Variants in UBAP2 observed in about 807,000 individuals in gnomAD.
UBAP2 encodes the protein ubiquitin-associated protein 2.
UBAP2 carries 75 observed loss-of-function variants against 139.6 expected under a neutral mutation model. The observed-to-expected ratio is 0.54, with a 90% CI of 0.45 to 0.65. The LOEUF (loss-of-function observed/expected upper bound fraction) is 0.65, where lower values mean the gene tolerates loss of function less well. Ranked by LOEUF, UBAP2 falls within the 30% of genes least tolerant of loss-of-function variation. UBAP2 has a pLI of 0.00. For missense variants in UBAP2, 1,368 were observed against 1,369.6 expected (o/e 1.00, Z 0.02); for synonymous variants, 526 against 526.2 (o/e 1.00, Z 0.01).
At chr9:33,965,592 A>C (rs1197366811) in intron 8 of UBAP2, among the ~76,000 whole-genome samples, 4 of 152,196 alleles carry the variant, frequency 2.6e-5, no homozygotes, top group African/African-American at 9.7e-5. Flanking sequence ...TTTAAGTGTA[A>C]CCTTGGAGGG....
chr9:33,969,551 T>TAA (rs60255464), intron 8 of UBAP2, among the ~76,000 whole-genome samples: 15 of 140,688 alleles, frequency 1.1e-4, no homozygotes, highest in East Asian at 6.1e-4. Context: ...GCTCTCTCTT[T>TAA]AAAAAAAAAA....
chr9:33,971,050 G>A (rs1827882445), intron 8 of UBAP2, among the ~76,000 whole-genome samples: 1 of 152,132 alleles, frequency 6.6e-6, no homozygotes, highest in Non-Finnish European at 1.5e-5. Context: ...TGATCCATCT[G>A]CCTCGGCCTC....
intron 8 of UBAP2, among the ~76,000 whole-genome samples, chr9:33,967,884 A>T (rs192672106): frequency 6.6e-6 from 1 of 152,344 alleles, no homozygotes; most frequent in East Asian, 1.9e-4. Flanking sequence ...ATACTGTGAT[A>T]AACTTGTCTC....
chr9:34,024,906 C>T (rs2131308180), intron 1 of UBAP2, among the ~76,000 whole-genome samples: 1 of 152,130 alleles, frequency 6.6e-6, no homozygotes, highest in Middle Eastern at 3.4e-3. Flanking sequence ...ATCACTTGAA[C>T]CCGAGAGGCG....
At position 33,923,985 on chromosome 9, in the gene UBAP2, A is replaced by C. The variant is rs140260131; in HGVS notation, c.2606T>G (p.Phe869Cys). The change falls in exon 24 of 29, where the codon TTT (phenylalanine) becomes TGT (cysteine). Residue 869 changes from phenylalanine to cysteine, a missense_variant. Coordinates refer to ENST00000379238, the MANE Select transcript of UBAP2 (RefSeq NM_001370062.2). ...NNPYPGDVTK[F>C]GRGDSASPAP... ...AGGGGATGCAGAGTCCCCACGGCCA[A>C]ACTTTGTGACATCACCTAGGAAAGA... The C allele has an allele frequency of 1.3e-4, 214 of 1,613,740 alleles. No individual in the cohort carries two copies. The highest frequency in any genetic ancestry group is 1.4e-4 in the South Asian group (13 of 91,054).
At chr9:33,978,393 G>C (rs1252670212) in intron 6 of UBAP2, among the ~76,000 whole-genome samples, 2 of 152,110 alleles carry the variant, frequency 1.3e-5, no homozygotes, top group Non-Finnish European at 2.9e-5. Flanking sequence ...AAATTTTTAA[G>C]TAGAATGTTA....
At chr9:34,022,586 C>T (rs1000538467) in intron 1 of UBAP2, among the ~76,000 whole-genome samples, 9 of 151,830 alleles carry the variant, frequency 5.9e-5, no homozygotes, top group Non-Finnish European at 1.3e-4. Flanking sequence ...TAGGTATGTG[C>T]CACCGTGCCC....
intron 2 of UBAP2, among the ~76,000 whole-genome samples, chr9:34,005,092 G>A (rs573231236): frequency 2.6e-5 from 4 of 151,762 alleles, no homozygotes; most frequent in East Asian, 1.9e-4. Flanking sequence ...GTGAAACCCC[G>A]TCTACACTAA....
intron 16 of UBAP2, among the ~76,000 whole-genome samples, chr9:33,937,002 A>G (rs1824605003): frequency 5.3e-5 from 8 of 151,908 alleles, no homozygotes; most frequent in Admixed American, 5.3e-4. Context: ...TACAATTACA[A>G]AACTCCTTGC....
chr9:33,947,256 CCT>C (rs1405118697), intron 13 of UBAP2, among the ~76,000 whole-genome samples: 1 of 152,160 alleles, frequency 6.6e-6, no homozygotes, highest in Non-Finnish European at 1.5e-5. Context: ...AATATGCTTC[CCT>C]GTCTCTCTAT....
intron 6 of UBAP2, among the ~76,000 whole-genome samples, chr9:33,975,507 C>T (rs1240229915): frequency 2.7e-5 from 4 of 147,720 alleles, no homozygotes; most frequent in South Asian, 2.2e-4. Flanking sequence ...CTGGTAAAAA[C>T]GTAAAATGGG....
Position 33,927,940 on chromosome 9 carries a change from G to T in UBAP2, c.2228C>A (p.Thr743Lys), listed in dbSNP as rs556985244. 1.2e-6 allele frequency: 2 copies of T among 1,614,038 alleles called. No individual in the cohort carries two copies. Among genetic ancestry groups the T allele is most frequent in the African/African-American group, 1.3e-5 (1 of 74,932 alleles). ...SSHQSSATFS[T>K]AATSVSSSAS... is the part of the protein sequence containing the mutation. ...GGAACTTGAGACGGAGGTCGCTGCCGTGGAGAAGGTGGCTGAGGACTGGTG... is the reference window on the plus strand; with the variant it reads ...GGAACTTGAGACGGAGGTCGCTGCCTTGGAGAAGGTGGCTGAGGACTGGTG... Residue 743 changes from threonine (T) to lysine (K), a missense_variant, in exon 20 of 29, where the codon ACG (threonine) becomes AAG (lysine). By Grantham distance (78) the Thr-to-Lys change is moderately conservative. Transcript: ENST00000379238.
At chr9:33,982,665 C>T (rs1820866449) in intron 6 of UBAP2, among the ~76,000 whole-genome samples, 1 of 152,098 alleles carries the variant, frequency 6.6e-6, no homozygotes, top group Non-Finnish European at 1.5e-5. Flanking sequence ...AAACACCATA[C>T]CCCCTGCAGA....
At chr9:34,047,548 A>G (rs1472585767) in intron 1 of UBAP2, among the ~76,000 whole-genome samples, 3 of 152,258 alleles carry the variant, frequency 2.0e-5, no homozygotes, top group Admixed American at 6.5e-5. Context: ...AAAGTGAGGA[A>G]TGCAATAACT....
chr9:34,043,521 T>A (rs939290260), intron 1 of UBAP2, among the ~76,000 whole-genome samples: 1 of 151,910 alleles, frequency 6.6e-6, no homozygotes, highest in Non-Finnish European at 1.5e-5. Flanking sequence ...ATCCTATTAT[T>A]TATGGAGATA....
In UBAP2 at chr9:33,926,539, TG is replaced by T. The variant is rs1419482315; in HGVS notation, c.2511+77del. The T allele has an allele frequency of 2.0e-6, 3 of 1,513,554 alleles. No individual in the cohort carries two copies. In the East Asian group the frequency reaches 6.8e-5, roughly 34 times the overall value. 93.8% of individuals were successfully genotyped at this position (1,513,554 alleles called of 1,614,324 possible). On this transcript the variant is annotated intron_variant, in intron 22 of 28. Transcript: ENST00000379238. ...AGAGGATCCTAAGGGCCAGAGAGTGTGGCAGCCAAGACCATAAGAGGGGGGA... is the reference window on the plus strand; with the variant it reads ...AGAGGATCCTAAGGGCCAGAGAGTGTGCAGCCAAGACCATAAGAGGGGGGA...
intron 1 of UBAP2, among the ~76,000 whole-genome samples, chr9:34,019,499 C>T (rs1019739610): frequency 3.3e-5 from 5 of 151,942 alleles, no homozygotes; most frequent in African/African-American, 1.2e-4. Context: ...ATGGTAGTTA[C>T]CAGAGGCTGG....
intron 6 of UBAP2, among the ~76,000 whole-genome samples, chr9:33,978,782 A>T (rs1338657410): frequency 2.6e-5 from 4 of 152,346 alleles, no homozygotes; most frequent in Middle Eastern, 3.4e-3. Context: ...TACGTCTCAA[A>T]AAAAAGAAAG....
At chr9:33,993,657 C>T (rs774224323) in intron 4 of UBAP2, among the ~76,000 whole-genome samples, 1 of 152,146 alleles carries the variant, frequency 6.6e-6, no homozygotes. Context: ...CGGAGTGAGA[C>T]CCTGTCTTAA....
Sources: allele counts gnomAD v4.1 joint callset (sites outside exome capture counted in the v4.1 genomes callset), GRCh38; gene constraint gnomAD v4.1.1; transcripts MANE v1.5; gene names NCBI Gene and HGNC (gene_info 2026-07-23, HGNC 2026-07-21).